BPIFB3: variants seen among roughly 807,000 people sequenced by gnomAD.
BPIFB3 encodes BPI fold containing family B member 3.
In BPIFB3, 49 loss-of-function variants were observed where a neutral mutation model predicts 53.1. That is an observed-to-expected ratio of 0.92 (90% CI 0.73 to 1.17). The LOEUF (loss-of-function observed/expected upper bound fraction) is 1.17, where lower values mean the gene tolerates loss of function less well. Among genes scored for constraint, BPIFB3 ranks in the 50% most tolerant of loss-of-function variants. The probability of loss-of-function intolerance (pLI) is 0.00; values close to 1 mark genes in which losing one functional copy is unlikely to be tolerated. For synonymous variants in BPIFB3, 271 were observed against 269.6 expected (o/e 1.01, Z -0.05); for missense variants, 628 against 592.5 (o/e 1.06, Z -0.62).
At chr20:33,072,162 T>C (rs1471931158) in exon 13 of BPIFB3, 6 of 1,614,210 alleles carry the variant, frequency 3.7e-6, no homozygotes, top group Non-Finnish European at 5.1e-6. Context: ...GCACCAAAGC[T>C]TAACGGTATG....
intron 8 of BPIFB3, 119 bp from the exon 10 acceptor site, chr20:33,066,705 T>C (rs887218409): frequency 1.1e-6 from 1 of 895,840 alleles, no homozygotes; most frequent in African/African-American, 1.6e-5. Flanking sequence ...TTTGTAGTGA[T>C]ATATGTATGA....
intron 6 of BPIFB3, 91 bp from the exon 8 acceptor site, chr20:33,064,366 A>G: frequency 9.6e-7 from 1 of 1,040,486 alleles, no homozygotes; most frequent in African/African-American, 1.6e-5. Context: ...AGTGCTAGGC[A>G]TTCAGCAGAC....
Position 33,064,649 on chromosome 20 carries a change from G to A in BPIFB3, c.745-17G>A. ...GCACCTTAAGACCCTCCTCGGCCCT[G>A]TTTCCTGCCCCTGCAGCCTATCGTG... is the stretch of plus-strand genomic sequence containing the variant. On this transcript the variant is annotated splice_polypyrimidine_tract_variant and intron_variant, in intron 7 of 14. Transcript: ENST00000375494. 6.2e-7 allele frequency: 1 copy of A among 1,613,308 alleles called. No homozygotes were observed. The highest frequency in any genetic ancestry group is 8.5e-7 in the Non-Finnish European group (1 of 1,179,538).
chr20:33,058,270 G>A (rs1189049159), intron 2 of BPIFB3, among the ~76,000 whole-genome samples: 9 of 152,166 alleles, frequency 5.9e-5, no homozygotes, highest in African/African-American at 1.9e-4. Context: ...TTCCCTAAAC[G>A]GAACATAATG....
intron 10 of BPIFB3, 116 bp downstream of exon 11, chr20:33,069,089 C>T (rs2424939): frequency 0.13 from 155,253 of 1,201,134 alleles, 11,078 homozygotes; most frequent in Non-Finnish European, 0.15. Flanking sequence ...CCCACATAGT[C>T]CAGCACAGGA....
At chr20:33,068,856 G>A (rs368197516) in exon 10 of BPIFB3, 71 of 1,613,872 alleles carry the variant, frequency 4.4e-5, no homozygotes, top group Admixed American at 5.0e-5. Flanking sequence ...TGCGGGTGAG[G>A]GAAGCTCCCA....
chr20:33,069,938 C>G, exon 11 of BPIFB3: 1 of 1,614,228 alleles, frequency 6.2e-7, no homozygotes, highest in Non-Finnish European at 8.5e-7. Context: ...AGCTGCACAT[C>G]TCCCTGTCCC....
chr20:33,068,515 G>A lies in BPIFB3; in HGVS notation c.979-288G>A, dbSNP rs1980755736. ...GCAGGGCAGCAGCGGGAGGAGAGCA[G>A]GTGAAGTGGAGAGGCGGGCAGGGGA... On this transcript the variant is annotated intron_variant, in intron 9 of 14. Coordinates refer to ENST00000375494, the Ensembl canonical transcript of BPIFB3. Among the ~76,000 whole-genome samples the A allele has an allele frequency of 2.0e-5, 3 of 152,214 alleles. No individual in the cohort carries two copies. The South Asian group carries it at 6.2e-4, about 32-fold the overall frequency.
chr20:33,063,652 A>G, exon 6 of BPIFB3: 14 of 1,614,016 alleles, frequency 8.7e-6, no homozygotes, highest in Non-Finnish European at 1.1e-5. Context: ...GGTGTGGTGA[A>G]TGAGCTCCTG....
exon 7 of BPIFB3, chr20:33,064,497 T>A (rs774994226): frequency 2.5e-6 from 4 of 1,613,992 alleles, no homozygotes; most frequent in Non-Finnish European, 3.4e-6. Flanking sequence ...TGGAATTCTC[T>A]CTGGCCACAT....
chr20:33,066,259 G>A (rs945153486), intron 8 of BPIFB3, among the ~76,000 whole-genome samples: 2 of 152,202 alleles, frequency 1.3e-5, no homozygotes, highest in African/African-American at 4.8e-5. Context: ...TTGCCACTCA[G>A]CTGCCACAAG....
chr20:33,064,604 G>A lies in BPIFB3; in HGVS notation c.744+56G>A, dbSNP rs545475100. ...TGGGGGTGGCTAGATAGGGGATGCC[G>A]GATCAAGGCAGGTGGGTGAGCACCT... On this transcript the variant is annotated intron_variant, in intron 7 of 14. Coordinates refer to ENST00000375494, the Ensembl canonical transcript of BPIFB3. The A allele has an allele frequency of 1.6e-4, 257 of 1,612,622 alleles. 1 individual carries two copies. The African/African-American group carries it at 2.0e-3, about 13-fold the overall frequency.
chr20:33,061,653 A>T (rs559439465), intron 4 of BPIFB3, 115 bp from the exon 6 acceptor site: 5 of 1,023,490 alleles, frequency 4.9e-6, no homozygotes, highest in South Asian at 4.7e-5. Context: ...AGTCAACACC[A>T]CCCCCAAGAG....
chr20:33,058,194 A>G (rs1337728584), intron 2 of BPIFB3, among the ~76,000 whole-genome samples: 1 of 152,232 alleles, frequency 6.6e-6, no homozygotes, highest in Non-Finnish European at 1.5e-5. Flanking sequence ...CAGTGTATGG[A>G]GAAGAGTCAC....
At chr20:33,069,742 A>G (rs1467120213) in intron 10 of BPIFB3, 146 bp from the exon 12 acceptor site, 1 of 784,218 alleles carries the variant, frequency 1.3e-6, no homozygotes, top group Non-Finnish European at 2.2e-6. Context: ...AAACCTTCAA[A>G]TTACCTTCTC....
exon 15 of BPIFB3, chr20:33,073,592 C>T: frequency 6.2e-7 from 1 of 1,614,106 alleles, no homozygotes; most frequent in South Asian, 1.1e-5. Flanking sequence ...GTTGTGCTGA[C>T]CGTGGCATCC....
chr20:33,057,348 C>T (rs928037539), intron 2 of BPIFB3, among the ~76,000 whole-genome samples: 8 of 152,106 alleles, frequency 5.3e-5, no homozygotes, highest in Middle Eastern at 3.4e-3. Context: ...ACCACCACGA[C>T]GGGCTAATTT....
intron 1 of BPIFB3, among the ~76,000 whole-genome samples, chr20:33,056,204 C>T (rs928403503): frequency 6.6e-6 from 1 of 152,206 alleles, no homozygotes; most frequent in Non-Finnish European, 1.5e-5. Flanking sequence ...CTGACCCCAA[C>T]CCAATTTGCT....
At chr20:33,068,742 G>GCTGA (rs1227643451) in intron 9 of BPIFB3, 61 bp from the exon 11 acceptor site, 4 of 1,543,678 alleles carry the variant, frequency 2.6e-6, no homozygotes, top group Non-Finnish European at 3.5e-6. Flanking sequence ...GTGAGTGTTT[G>GCTGA]CTGACTGACT....
Sources: allele counts gnomAD v4.1 joint callset (sites outside exome capture counted in the v4.1 genomes callset), GRCh38; gene constraint gnomAD v4.1.1; transcripts MANE v1.5; gene names NCBI Gene and HGNC (gene_info 2026-07-23, HGNC 2026-07-21).